Variants in SKAP1 observed in about 807,000 individuals in gnomAD.
The protein encoded by SKAP1 is src kinase-associated phosphoprotein 1.
A neutral mutation model predicts 58.5 loss-of-function variants in SKAP1; 44 were observed. That is an observed-to-expected ratio of 0.75 (90% CI 0.59 to 0.97). SKAP1 has a LOEUF of 0.97. Ranked by LOEUF, SKAP1 falls within the 50% of genes least tolerant of loss-of-function variation. The probability of loss-of-function intolerance (pLI) is 0.00; values close to 1 mark genes in which losing one functional copy is unlikely to be tolerated. For missense variants in SKAP1, 390 were observed against 435.2 expected (o/e 0.90, Z 0.92); for synonymous variants, 127 against 149.7 (o/e 0.85, Z 1.11).
At chr17:48,312,729 G>A (rs1458326088) in intron 4 of SKAP1, among the ~76,000 whole-genome samples, 2 of 152,192 alleles carry the variant, frequency 1.3e-5, no homozygotes, top group Non-Finnish European at 2.9e-5. Context: ...AAAAGAGAGT[G>A]TGAGAGAGAG....
chr17:48,364,007 G>A (rs1299707354), intron 2 of SKAP1, among the ~76,000 whole-genome samples, 193 bp from the exon 3 acceptor site: 1 of 152,160 alleles, frequency 6.6e-6, no homozygotes, highest in African/African-American at 2.4e-5. Flanking sequence ...CTTAAAAGAT[G>A]CATTTAATTC....
intron 4 of SKAP1, among the ~76,000 whole-genome samples, chr17:48,283,106 C>A (rs1273631760): frequency 6.6e-6 from 1 of 152,054 alleles, no homozygotes; most frequent in African/African-American, 2.4e-5. Flanking sequence ...GAAGTTGTGG[C>A]TTAGACGTGT....
rs1020553244 is a variant in SKAP1, at chr17:48,407,619, G to T, written c.47-10834C>A. Among the ~76,000 whole-genome samples, 4 of 152,188 alleles carry T rather than the reference G, an allele frequency of 2.6e-5. No individual in the cohort carries two copies. The East Asian group carries it at 5.8e-4, about 22-fold the overall frequency. ...CACGCCTGTAATCCCAACACTTTAG[G>T]AGGCCCAGGCAGGCAAACTGCTTGA... On this transcript the variant is annotated intron_variant, in intron 1 of 12. Coordinates refer to ENST00000336915, the MANE Select transcript of SKAP1 (RefSeq NM_003726.4).
At chr17:48,226,333 T>C (rs1329001616) in intron 4 of SKAP1, among the ~76,000 whole-genome samples, 1 of 152,086 alleles carries the variant, frequency 6.6e-6, no homozygotes, top group Non-Finnish European at 1.5e-5. Context: ...TGTAATCCAC[T>C]TCCCCCAAGA....
intron 11 of SKAP1, among the ~76,000 whole-genome samples, chr17:48,145,131 C>T (rs916408032): frequency 6.6e-6 from 1 of 152,120 alleles, no homozygotes. Context: ...AAAATAAGCA[C>T]AGTGTATGGT....
chr17:48,392,002 TAA>T (rs1277072479), intron 2 of SKAP1, among the ~76,000 whole-genome samples: 1 of 152,154 alleles, frequency 6.6e-6, no homozygotes, highest in Non-Finnish European at 1.5e-5. Context: ...TTAAGAAAAG[TAA>T]AACTCTCTAT....
chr17:48,434,706 C>T (rs1412682066), upstream of SKAP1, among the ~76,000 whole-genome samples: 1 of 152,074 alleles, frequency 6.6e-6, no homozygotes, highest in African/African-American at 2.4e-5. Context: ...AGCACTATAC[C>T]CAGGGTCCCC....
chr17:48,171,532 G>A (rs1288260085), intron 9 of SKAP1, among the ~76,000 whole-genome samples: 2 of 152,106 alleles, frequency 1.3e-5, no homozygotes, highest in African/African-American at 4.8e-5. Context: ...ACTAGGAACT[G>A]GGGACAAGCA....
At position 48,391,057 on chromosome 17, in the gene SKAP1, G is replaced by A. The variant is rs564662133; in HGVS notation, c.152+5623C>T. The stretch of plus-strand genomic sequence containing the variant: ...TGCACTCCAGTCTGGGTGACAGAAT[G>A]AGACTCTGTCTCAAAAAAACAAAAA... On this transcript the variant is annotated intron_variant, in intron 2 of 12. Coordinates refer to ENST00000336915, the MANE Select transcript of SKAP1 (RefSeq NM_003726.4). Among the ~76,000 whole-genome samples the A allele has an allele frequency of 8.5e-4, 129 of 152,170 alleles. 3 individuals carry two copies. Among genetic ancestry groups the A allele is most frequent in the Non-Finnish European group, 2.2e-4 (15 of 67,998 alleles).
intron 4 of SKAP1, among the ~76,000 whole-genome samples, chr17:48,267,815 G>A (rs1207745974): frequency 6.6e-6 from 1 of 152,150 alleles, no homozygotes; most frequent in Non-Finnish European, 1.5e-5. Flanking sequence ...AAGCAGGGGA[G>A]GACCTGACAA....
At chr17:48,187,021 C>G (rs190106872) in intron 6 of SKAP1, among the ~76,000 whole-genome samples, 72 of 152,340 alleles carry the variant, frequency 4.7e-4, no homozygotes, top group African/African-American at 1.2e-3. Flanking sequence ...AACTTTGTCT[C>G]CCTCTTGCGT....
intron 4 of SKAP1, among the ~76,000 whole-genome samples, chr17:48,239,829 TGAGA>T (rs143281552): frequency 7.2e-6 from 1 of 138,726 alleles, no homozygotes; most frequent in Non-Finnish European, 1.5e-5. Context: ...GTAATTAGAA[TGAGA>T]GAGAGAGAGA....
intron 4 of SKAP1, among the ~76,000 whole-genome samples, chr17:48,312,981 A>G (rs2066241280): frequency 6.6e-6 from 1 of 152,232 alleles, no homozygotes; most frequent in South Asian, 2.1e-4. Context: ...CTTTCTGTCT[A>G]CATCAGGAGA....
At chr17:48,317,390 C>T (rs1017104774) in intron 4 of SKAP1, among the ~76,000 whole-genome samples, 2 of 151,890 alleles carry the variant, frequency 1.3e-5, no homozygotes, top group African/African-American at 2.4e-5. Flanking sequence ...TGGCATTAAA[C>T]GTTTTAAAAA....
At chr17:48,420,159 G>C (rs1456072235) in intron 1 of SKAP1, among the ~76,000 whole-genome samples, 1 of 152,180 alleles carries the variant, frequency 6.6e-6, no homozygotes, top group Non-Finnish European at 1.5e-5. Flanking sequence ...GATTTCTGTA[G>C]GGTGTAATGG....
chr17:48,336,805 T>C (rs534203969), intron 4 of SKAP1, among the ~76,000 whole-genome samples: 2 of 152,324 alleles, frequency 1.3e-5, no homozygotes, highest in African/African-American at 2.4e-5. Flanking sequence ...TAGGTTCAAC[T>C]GTATTCTTGG....
intron 9 of SKAP1, among the ~76,000 whole-genome samples, chr17:48,174,799 A>G (rs67940055): frequency 0.032 from 4,827 of 152,320 alleles, 94 homozygotes; most frequent in East Asian, 0.054. Context: ...ATGGATTATA[A>G]TGGTCCTTGC....
At chr17:48,407,859 A>G (rs1456822924) in intron 1 of SKAP1, among the ~76,000 whole-genome samples, 5 of 151,974 alleles carry the variant, frequency 3.3e-5, no homozygotes, top group African/African-American at 1.2e-4. Context: ...GTCTCCAAAA[A>G]AAAAAAAGGC....
At chr17:48,396,019 A>T (rs575497592) in intron 2 of SKAP1, among the ~76,000 whole-genome samples, 1 of 152,180 alleles carries the variant, frequency 6.6e-6, no homozygotes, top group Non-Finnish European at 1.5e-5. Context: ...CTAAAGGAAC[A>T]CTCACTTATC....
Sources: gnomAD v4.1 joint callset for allele counts (sites outside exome capture counted in the v4.1 genomes callset) on GRCh38, gnomAD v4.1.1 for gene constraint, MANE v1.5 for transcripts, NCBI Gene and HGNC (gene_info 2026-07-23, HGNC 2026-07-21) for gene names.